Variants in KCNAB1 observed in about 807,000 individuals in gnomAD.
KCNAB1 encodes potassium voltage-gated channel subfamily A regulatory beta subunit 1.
KCNAB1 carries 35 observed loss-of-function variants against 64.6 expected under a neutral mutation model. The observed-to-expected ratio is 0.54, with a 90% CI of 0.41 to 0.72. The LOEUF (loss-of-function observed/expected upper bound fraction) is 0.72. Among genes scored for constraint, KCNAB1 ranks in the 30% least tolerant of loss-of-function variants. The pLI, the probability that KCNAB1 is intolerant of heterozygous loss-of-function variation, is 0.00. For missense variants in KCNAB1, 401 were observed against 512.9 expected (o/e 0.78, Z 2.11); for synonymous variants, 177 against 183.8 (o/e 0.96, Z 0.30).
At chr3:156,252,277 C>T (rs1037621501) in intron 1 of KCNAB1, among the ~76,000 whole-genome samples, 6 of 152,338 alleles carry the variant, frequency 3.9e-5, no homozygotes, top group African/African-American at 1.2e-4. Flanking sequence ...GTAGTAGAAC[C>T]AAATCACTCA....
intron 1 of KCNAB1, among the ~76,000 whole-genome samples, chr3:156,172,845 G>C (rs1405127369): frequency 6.6e-6 from 1 of 152,174 alleles, no homozygotes; most frequent in Non-Finnish European, 1.5e-5. Flanking sequence ...CATGGAGAGA[G>C]CCCAGGGCAT....
intron 1 of KCNAB1, among the ~76,000 whole-genome samples, chr3:156,418,539 A>C (rs1169664248): frequency 6.6e-6 from 1 of 152,226 alleles, no homozygotes; most frequent in African/African-American, 2.4e-5. Flanking sequence ...ACATGGATAG[A>C]GACAGGAGGA....
intron 2 of KCNAB1, chr3:156,446,668 C>A (rs746546840): frequency 6.6e-6 from 1 of 152,210 alleles, no homozygotes; most frequent in Non-Finnish European, 1.5e-5. Flanking sequence ...TCACACCCTA[C>A]ACATCCTTTT....
At position 156,292,645 on chromosome 3, in the gene KCNAB1, G is replaced by A. The variant is rs528617247; in HGVS notation, c.276-128971G>A. On this transcript the variant is annotated intron_variant, in intron 1 of 13. Transcript: ENST00000490337. ...GGGAAATAGCCTCCTGGGTTCAAGC[G>A]ATTCTCCTGCCTTAACCTCCTGAGT... Among the ~76,000 whole-genome samples the A allele has an allele frequency of 7.9e-5, 12 of 152,182 alleles. No individual in the cohort carries two copies. In the East Asian group the frequency reaches 1.2e-3, roughly 15 times the overall value.
At position 156,223,514 on chromosome 3, in the gene KCNAB1, GAC is replaced by G. The variant is rs1255474012; in HGVS notation, c.275+102632_275+102633del. 5.9e-5 allele frequency among the ~76,000 whole-genome samples: 9 copies of G among 152,336 alleles called. No homozygotes were observed. In the South Asian group the frequency reaches 1.5e-3, roughly 25 times the overall value. On this transcript the variant is annotated intron_variant, in intron 1 of 13. Coordinates refer to ENST00000490337, the MANE Select transcript of KCNAB1 (RefSeq NM_172160.3). ...CTCCAAGTCCCCACTAGATTAGCTAGACACAGAGTACTCATTGGTGTATTTAC... is the reference window on the plus strand; with the variant it reads ...CTCCAAGTCCCCACTAGATTAGCTAGACAGAGTACTCATTGGTGTATTTAC...
intron 2 of KCNAB1, among the ~76,000 whole-genome samples, chr3:156,422,658 G>A (rs1715540084): frequency 6.6e-6 from 1 of 152,162 alleles, no homozygotes; most frequent in African/African-American, 2.4e-5. Context: ...TATGCAAATA[G>A]ACTTATGACT....
chr3:156,176,575 T>G, intron 1 of KCNAB1: 1 of 831,756 alleles, frequency 1.2e-6, no homozygotes, highest in East Asian at 2.4e-5. Flanking sequence ...GTTCCATCAC[T>G]GCTCCACTGT....
chr3:156,436,325 A>T (rs551724577), intron 2 of KCNAB1, among the ~76,000 whole-genome samples: 150 of 152,296 alleles, frequency 9.8e-4, no homozygotes, highest in African/African-American at 3.5e-3. Context: ...GTTGATGGGC[A>T]TTTGGGTTGA....
At chr3:156,139,807 T>C (rs1279878039) in intron 1 of KCNAB1, among the ~76,000 whole-genome samples, 3 of 152,132 alleles carry the variant, frequency 2.0e-5, no homozygotes, top group Non-Finnish European at 4.4e-5. Context: ...CTGATCATTA[T>C]AACTGGAGTT....
intron 1 of KCNAB1, among the ~76,000 whole-genome samples, chr3:156,151,282 G>T (rs759626701): frequency 3.9e-5 from 6 of 152,118 alleles, no homozygotes; most frequent in African/African-American, 1.4e-4. Context: ...CACTTAGAGC[G>T]AGTGCCTCCC....
intron 11 of KCNAB1, among the ~76,000 whole-genome samples, chr3:156,518,004 G>A (rs755777072): frequency 6.6e-6 from 1 of 152,186 alleles, no homozygotes; most frequent in Non-Finnish European, 1.5e-5. Context: ...GGAAGAAGTA[G>A]CTATGATGTA....
At chr3:156,527,952 G>A (rs1576980155) in intron 12 of KCNAB1, among the ~76,000 whole-genome samples, 1 of 152,178 alleles carries the variant, frequency 6.6e-6, no homozygotes, top group Admixed American at 6.5e-5. Context: ...TTGGTTAGAG[G>A]TGCTAATTAT....
intron 1 of KCNAB1, among the ~76,000 whole-genome samples, chr3:156,354,818 T>C (rs1047198519): frequency 2.4e-4 from 37 of 151,766 alleles, no homozygotes; most frequent in African/African-American, 9.0e-4. Context: ...CCAGAAAAAC[T>C]AAGGCGTTAC....
At chr3:156,211,232 AG>A (rs1714984627) in intron 1 of KCNAB1, among the ~76,000 whole-genome samples, 1 of 152,210 alleles carries the variant, frequency 6.6e-6, no homozygotes, top group South Asian at 2.1e-4. Flanking sequence ...TATATATCAA[AG>A]GGGGAGAACA....
chr3:156,480,668 T>C (rs1714727394), intron 8 of KCNAB1, among the ~76,000 whole-genome samples: 1 of 152,134 alleles, frequency 6.6e-6, no homozygotes, highest in African/African-American at 2.4e-5. Context: ...TATATTACAT[T>C]CTTTTTTTTC....
intron 1 of KCNAB1, among the ~76,000 whole-genome samples, chr3:156,185,019 C>T (rs1390426161): frequency 6.6e-6 from 1 of 152,168 alleles, no homozygotes; most frequent in African/African-American, 2.4e-5. Context: ...GAAACAAAAA[C>T]TCAGAGAGGG....
At chr3:156,221,166 G>T (rs1715706430) in intron 1 of KCNAB1, among the ~76,000 whole-genome samples, 1 of 152,148 alleles carries the variant, frequency 6.6e-6, no homozygotes, top group Non-Finnish European at 1.5e-5. Flanking sequence ...CTCCAGCTTT[G>T]TTCTTTTTGC....
In KCNAB1 at chr3:156,281,564, G is replaced by A. The variant is rs146606961; in HGVS notation, c.276-140052G>A. On this transcript the variant is annotated intron_variant, in intron 1 of 13. Transcript: ENST00000490337. ...GGTACCAATTCCTCCTTGTATCTCT[G>A]GTAGAATTCGGCTGTGAGTCCATCT... Among the ~76,000 whole-genome samples the A allele has an allele frequency of 1.0e-3, 156 of 152,242 alleles. 2 individuals carry two copies. In the South Asian group the frequency reaches 0.014, roughly 14 times the overall value.
chr3:156,383,156 G>A (rs1231922634), intron 1 of KCNAB1, among the ~76,000 whole-genome samples: 6 of 152,200 alleles, frequency 3.9e-5, no homozygotes, highest in African/African-American at 1.4e-4. Flanking sequence ...GATTAGATTG[G>A]GGATGGGGGC....
Sources: allele counts gnomAD v4.1 joint callset (sites outside exome capture counted in the v4.1 genomes callset), GRCh38; gene constraint gnomAD v4.1.1; transcripts MANE v1.5; gene names NCBI Gene and HGNC (gene_info 2026-07-23, HGNC 2026-07-21).